Variants in MAPK8IP3 observed in about 807,000 individuals in gnomAD.
MAPK8IP3 encodes mitogen-activated protein kinase 8 interacting protein 3.
MAPK8IP3 carries 49 observed loss-of-function variants against 157.8 expected under a neutral mutation model. That is an observed-to-expected ratio of 0.31 (90% CI 0.25 to 0.39). MAPK8IP3 has a LOEUF of 0.39. Among genes scored for constraint, MAPK8IP3 ranks in the 10% least tolerant of loss-of-function variants. The pLI is 1.00. For synonymous variants in MAPK8IP3, 897 were observed against 777.7 expected, an observed-to-expected ratio of 1.15 and a Z score of -2.55; for missense variants, 1,478 against 1,889.4, an observed-to-expected ratio of 0.78 and a Z score of 4.04.
At chr16:1,739,273 CGT>C (rs1238229422) in intron 4 of MAPK8IP3, among the ~76,000 whole-genome samples, 2 of 94,680 alleles carry the variant, frequency 2.1e-5, no homozygotes, top group East Asian at 3.8e-4. Context: ...TGTGACCGTC[CGT>C]GTGAGCATCC....
At position 1,741,978 on chromosome 16, in the gene MAPK8IP3, T is replaced by G. The variant is rs528819394; in HGVS notation, c.603-1354T>G. Among the ~76,000 whole-genome samples, 37 of 152,284 alleles carry G rather than the reference T, an allele frequency of 2.4e-4. No homozygotes were observed. The highest frequency in any genetic ancestry group is 2.3e-3 in the Admixed American group (35 of 15,298). On this transcript the variant is annotated intron_variant, in intron 4 of 31. Transcript: ENST00000610761. The surrounding 1 kb of genome is among the most constrained non-coding windows in gnomAD (Gnocchi z 6.9). ...GTCAGCGGCGGCTGCTGCGTTCCCC[T>G]GTCGCCGTCTGCATCCTCCAGGCAT...
chr16:1,707,034 A>T (rs2037447235), intron 1 of MAPK8IP3, among the ~76,000 whole-genome samples: 1 of 151,640 alleles, frequency 6.6e-6, no homozygotes, highest in South Asian at 2.1e-4. Flanking sequence ...TCAGCTTCAA[A>T]GCCAGGCCTC....
At chr16:1,749,206 C>T (rs999405009) in intron 8 of MAPK8IP3, among the ~76,000 whole-genome samples, 9 of 152,184 alleles carry the variant, frequency 5.9e-5, no homozygotes, top group Non-Finnish European at 7.3e-5. Flanking sequence ...TTCGAGTGCA[C>T]GGTGCGGTGG....
intron 1 of MAPK8IP3, among the ~76,000 whole-genome samples, chr16:1,716,759 C>A (rs540872786): frequency 6.6e-6 from 1 of 151,988 alleles, no homozygotes; most frequent in East Asian, 2.0e-4. Flanking sequence ...ACCAAAAATA[C>A]AAAAATTAGC....
At position 1,748,698 on chromosome 16, in the gene MAPK8IP3, G is replaced by A. The variant is rs1302189718; in HGVS notation, c.1194G>A (p.Val398=). The change falls in exon 8 of 32, where the codon GTG becomes GTA. Residue 398 remains valine, a synonymous_variant. Coordinates refer to ENST00000610761, the MANE Select transcript of MAPK8IP3 (RefSeq NM_001318852.2). ...STAGSEVIGD[V]DEGADLLGEF... ...CAGGGTCTGAGGTCATCGGGGATGT[G>A]GACGAAGGGGCCGACCTCCTAGGTA... is the stretch of plus-strand genomic sequence containing the variant. 1 of 1,614,188 alleles carries A rather than the reference G, an allele frequency of 6.2e-7. No homozygotes were observed. The highest frequency in any genetic ancestry group is 8.5e-7 in the Non-Finnish European group (1 of 1,180,020).
rs1389496970 is a variant in MAPK8IP3 at position 1,706,951 on chromosome 16, C to T, written c.318+294C>T. Among the ~76,000 whole-genome samples, 1 of 150,180 alleles carries T rather than the reference C, an allele frequency of 6.7e-6. No homozygotes were observed. The highest frequency in any genetic ancestry group is 1.5e-5 in the Non-Finnish European group (1 of 67,450). ...TTTTCCGCCCAGGCCTGGGCCCTGG[C>T]CCCCTCCTCCGTGCCCCCAGCCCTG... On this transcript the variant is annotated intron_variant, in intron 1 of 31. Transcript: ENST00000610761. This position sits in a 1 kb window ranked among gnomAD's most constrained non-coding sequence, Gnocchi z 5.1.
chr16:1,706,196 G>A lies in MAPK8IP3; in HGVS notation c.-144G>A. 4.9e-6 allele frequency: 3 copies of A among 616,184 alleles called. No individual in the cohort carries two copies. The highest frequency in any genetic ancestry group is 4.7e-6 in the Non-Finnish European group (2 of 427,162). 38.2% of individuals were successfully genotyped at this position (616,184 alleles called of 1,614,324 possible). ...TTCCGGTGAGTGAGTGACGGGCGCA[G>A]CCTCGGCAGCGGCGGCGGCGGAGCC... On this transcript the variant is annotated 5_prime_UTR_variant, in exon 1 of 32. Transcript: ENST00000610761. The surrounding 1 kb of genome is among the most constrained non-coding windows in gnomAD (Gnocchi z 5.1).
chr16:1,767,722 C>T lies in MAPK8IP3; in HGVS notation c.3396C>T (p.Val1132=). Reference sequence around the variant, plus strand: ...AGGACGTGGACATTGAGCCCTACGTCAGCAAGATGCTAGGTGAGGGGCCAC... The same window carrying T: ...AGGACGTGGACATTGAGCCCTACGTTAGCAAGATGCTAGGTGAGGGGCCAC... ...HLQDVDIEPY[V]SKMLGTGKLG... is the part of the protein sequence containing the mutation. The change falls in exon 27 of 32, where the codon GTC becomes GTT. Residue 1132 remains valine (V), a synonymous_variant. Transcript: ENST00000610761. The T allele has an allele frequency of 6.2e-7, 1 of 1,612,722 alleles. No homozygotes were observed. Among genetic ancestry groups the T allele is most frequent in the South Asian group, 1.1e-5 (1 of 91,084 alleles).
chr16:1,745,757 T>C (rs2040924829), intron 5 of MAPK8IP3: 2 of 152,254 alleles, frequency 1.3e-5, no homozygotes, highest in Admixed American at 6.5e-5. Context: ...ATAGCTACTA[T>C]AGAGGAAGGT....
Position 1,763,715 on chromosome 16 carries a change from G to A in MAPK8IP3, c.1957G>A (p.Glu653Lys). ...GCGCGAGCAGTACCGCCAGGTGCGT[G>A]AGCACGTGCGTAACGACGACGGCCG... ...QKREQYRQVR[E>K]HVRNDDGRLQ... The change falls in exon 17 of 32, where the codon GAG (glutamate) becomes AAG (lysine). Residue 653 changes from glutamate to lysine, a missense_variant. Transcript: ENST00000610761. The A allele has an allele frequency of 6.3e-7, 1 of 1,596,480 alleles. No individual in the cohort carries two copies. Among genetic ancestry groups the A allele is most frequent in the Middle Eastern group, 1.7e-4 (1 of 6,026 alleles).
At position 1,765,966 on chromosome 16, in the gene MAPK8IP3, G is replaced by A. The variant is rs1285990298; in HGVS notation, c.2453G>A (p.Ser818Asn). The stretch of plus-strand genomic sequence containing the variant: ...GGGCCGTCCCTCTCCCCAGCGGCCA[G>A]CGACAGCGACTACCCTCCCGGGGAG... ...VLCISSIPAASDSDYPPGEMF... is the reference protein window; with the variant it reads ...VLCISSIPAANDSDYPPGEMF... Residue 818 changes from serine to asparagine, a missense_variant, in exon 21 of 32, where the codon AGC becomes AAC. Transcript: ENST00000610761. 1 of 1,611,182 alleles carries A rather than the reference G, an allele frequency of 6.2e-7. No individual in the cohort carries two copies. Among genetic ancestry groups the A allele is most frequent in the Non-Finnish European group, 8.5e-7 (1 of 1,179,058 alleles).
intron 8 of MAPK8IP3, chr16:1,752,592 A>G: frequency 3.5e-6 from 1 of 281,690 alleles, no homozygotes. Flanking sequence ...AACATTTTAT[A>G]AAAAAATTAG....
At chr16:1,729,086 A>G in intron 2 of MAPK8IP3, 52 bp from the exon 3 acceptor site, 1 of 1,546,426 alleles carries the variant, frequency 6.5e-7, no homozygotes, top group Non-Finnish European at 8.9e-7. Flanking sequence ...CCAAGAGTTC[A>G]GGGCCATGGA....
chr16:1,766,385 C>T lies in MAPK8IP3; in HGVS notation c.2795C>T (p.Pro932Leu), dbSNP rs372157101. 4.0e-5 allele frequency: 65 copies of T among 1,611,414 alleles called. No homozygotes were observed. The highest frequency in any genetic ancestry group is 2.5e-4 in the East Asian group (11 of 44,840). ...GTCTTCACTGACCCAGCCCCGACCC[C>T]GTCCTCTGGCCCCCAGCCTGGCAGG... ...EHVFTDPAPT[P>L]SSGPQPGSEN... Residue 932 changes from proline to leucine, a missense_variant, in exon 22 of 32, where the codon CCG (proline) becomes CTG (leucine). Pro to Leu is a moderately conservative substitution (Grantham distance 98, BLOSUM62 -3). This residue lies in a region of MAPK8IP3 where 669 missense variants were observed against 759.8 expected (regional missense o/e 0.88). Coordinates refer to ENST00000610761, the MANE Select transcript of MAPK8IP3 (RefSeq NM_001318852.2).
At position 1,743,377 on chromosome 16, in the gene MAPK8IP3, C is replaced by T. The variant is rs201722762; in HGVS notation, c.648C>T (p.Asp216=). The T allele has an allele frequency of 6.6e-5, 104 of 1,575,838 alleles. No homozygotes were observed. In the African/African-American group the frequency reaches 8.3e-4, roughly 13 times the overall value. Residue 216 remains aspartate, a synonymous_variant, in exon 5 of 32, where the codon GAC becomes GAT. Coordinates refer to ENST00000610761, the MANE Select transcript of MAPK8IP3 (RefSeq NM_001318852.2). The surrounding 1 kb of genome is among the most constrained non-coding windows in gnomAD (Gnocchi z 5.6). The part of the protein sequence containing the change: ...PTSLNVFPLA[D]GTVRAQIGGK... Reference sequence around the variant, plus strand: ...CCCTGAACGTGTTCCCCCTGGCTGACGGCACGGTACGTGCACAGATCGGGG... The same window carrying T: ...CCCTGAACGTGTTCCCCCTGGCTGATGGCACGGTACGTGCACAGATCGGGG...
In MAPK8IP3 at chr16:1,755,482, C is replaced by T. The variant is rs1413112276; in HGVS notation, c.1217-2666C>T. ...AGGATATAGTGAGCCATGATTGTGC[C>T]ACTGCACTCCAGCGTGGGGGACAGA... On this transcript the variant is annotated intron_variant, in intron 8 of 31. Transcript: ENST00000610761. Among the ~76,000 whole-genome samples, 6 of 152,272 alleles carry T rather than the reference C, an allele frequency of 3.9e-5. No homozygotes were observed. The South Asian group carries it at 6.2e-4, about 16-fold the overall frequency.
At position 1,770,339 on chromosome 16, in the gene MAPK8IP3, A is replaced by T; in HGVS notation, c.*1515A>T. 3.0e-6 allele frequency: 1 copy of T among 329,824 alleles called. No homozygotes were observed. Among genetic ancestry groups the T allele is most frequent in the Non-Finnish European group, 5.5e-6 (1 of 180,678 alleles). The allele number at this position is 329,824 out of a possible 1,614,324, so 20.4% of individuals were successfully genotyped here. On this transcript the variant is annotated 3_prime_UTR_variant, in exon 32 of 32. Coordinates refer to ENST00000610761, the MANE Select transcript of MAPK8IP3 (RefSeq NM_001318852.2). ...CGTAGCTGCCTGTTCCTGGGCCCAAATCGAAACGAAAACGAGGACTTTATT... is the reference window on the plus strand; with the variant it reads ...CGTAGCTGCCTGTTCCTGGGCCCAATTCGAAACGAAAACGAGGACTTTATT...
In MAPK8IP3 at chr16:1,736,399, CGT is replaced by C. The variant is rs540023583; in HGVS notation, c.602+6827_602+6828del. ...GAGCATCCGTGTGAGCGTGACCGTC[CGT>C]GTGTGACCGTCCGTGTAAGCATCCG... On this transcript the variant is annotated intron_variant, in intron 4 of 31. Transcript: ENST00000610761. 8.7e-4 allele frequency among the ~76,000 whole-genome samples: 41 copies of C among 46,888 alleles called. 1 individual carries two copies. The highest frequency in any genetic ancestry group is 1.3e-3 in the Non-Finnish European group (37 of 28,012). 30.8% of individuals were successfully genotyped at this position (46,888 alleles called of 152,430 possible).
rs982483599 is a variant in MAPK8IP3, at chr16:1,706,247, C to T, written c.-93C>T. ...CTGAGGCGACAGCAGCTGCGGGAGGCGACGGGCTGCGGCCTGCGGAACCTG... is the reference window on the plus strand; with the variant it reads ...CTGAGGCGACAGCAGCTGCGGGAGGTGACGGGCTGCGGCCTGCGGAACCTG... On this transcript the variant is annotated 5_prime_UTR_variant, in exon 1 of 32. Transcript: ENST00000610761. The surrounding 1 kb of genome is among the most constrained non-coding windows in gnomAD (Gnocchi z 5.1). The T allele has an allele frequency of 1.2e-5, 14 of 1,185,160 alleles. No individual in the cohort carries two copies. The highest frequency in any genetic ancestry group is 1.2e-5 in the Non-Finnish European group (11 of 902,968). The allele number at this position is 1,185,160 out of a possible 1,614,324, so 73.4% of individuals were successfully genotyped here. A position where few individuals can be genotyped will look rare whatever the true frequency, so the allele number is the denominator to read the frequency against.
Sources: allele counts gnomAD v4.1 joint callset (sites outside exome capture counted in the v4.1 genomes callset), GRCh38; gene constraint gnomAD v4.1.1; regional missense constraint gnomAD v4.1.1; non-coding constraint Gnocchi (gnomAD v3.1); transcripts MANE v1.5; gene names NCBI Gene and HGNC (gene_info 2026-07-23, HGNC 2026-07-21).